The following CDH12 variants were observed in gnomAD, a reference collection of about 807,000 sequenced individuals.
CDH12 encodes cadherin-12.
In CDH12, 41 loss-of-function variants were observed where a neutral mutation model predicts 74.1. The observed-to-expected ratio is 0.55, with a 90% confidence interval of 0.43 to 0.72. The LOEUF is 0.72. Ranked by LOEUF, CDH12 falls within the 30% of genes least tolerant of loss-of-function variation. CDH12 has a pLI of 0.00. For missense variants in CDH12, 945 were observed against 977.2 expected (o/e 0.97, Z 0.44); for synonymous variants, 399 against 355.0 (o/e 1.12, Z -1.39).
At chr5:22,521,143 G>A (rs1737038638) in intron 1 of CDH12, among the ~76,000 whole-genome samples, 1 of 151,928 alleles carries the variant, frequency 6.6e-6, no homozygotes, top group African/African-American at 2.4e-5. Flanking sequence ...TCTATTGAAA[G>A]TGTTGTGTAT....
chr5:22,605,830 G>A (rs147593813), intron 1 of CDH12, among the ~76,000 whole-genome samples: 103 of 152,300 alleles, frequency 6.8e-4, no homozygotes, highest in African/African-American at 2.3e-3. Context: ...TTGGGCATTC[G>A]GAAGCAAAGG....
chr5:22,631,351 C>T (rs1738575751), intron 1 of CDH12, among the ~76,000 whole-genome samples: 1 of 152,110 alleles, frequency 6.6e-6, no homozygotes, highest in African/African-American at 2.4e-5. Flanking sequence ...CGTACTGCAG[C>T]ACTATTCACA....
intron 5 of CDH12, among the ~76,000 whole-genome samples, chr5:22,035,998 AAAC>A (rs1739153610): frequency 6.6e-6 from 1 of 152,152 alleles, no homozygotes; most frequent in Admixed American, 6.6e-5. Context: ...GTTAAACTAG[AAAC>A]AACTCCCTAC....
chr5:22,524,043 GC>G (rs1271359632), intron 1 of CDH12, among the ~76,000 whole-genome samples: 1 of 150,626 alleles, frequency 6.6e-6, no homozygotes, highest in African/African-American at 2.4e-5. Context: ...GTGCAGTGGA[GC>G]CATTACGGCT....
At chr5:22,215,950 C>T (rs1210522141) in intron 3 of CDH12, among the ~76,000 whole-genome samples, 4 of 152,052 alleles carry the variant, frequency 2.6e-5, no homozygotes, top group Non-Finnish European at 5.9e-5. Flanking sequence ...AGAACTTATT[C>T]TCTCATTTGA....
intron 3 of CDH12, among the ~76,000 whole-genome samples, chr5:22,238,660 A>T (rs1424490833): frequency 1.3e-5 from 2 of 152,202 alleles, no homozygotes; most frequent in African/African-American, 4.8e-5. Context: ...ATGTGTTGAG[A>T]ATACTTTTGC....
intron 1 of CDH12, among the ~76,000 whole-genome samples, chr5:22,721,293 C>G (rs974977880): frequency 6.6e-6 from 1 of 152,198 alleles, no homozygotes; most frequent in African/African-American, 2.4e-5. Context: ...ATCAGCATGC[C>G]CTGGGATGTG....
intron 1 of CDH12, among the ~76,000 whole-genome samples, chr5:22,712,245 A>G (rs954001096): frequency 2.0e-5 from 3 of 152,070 alleles, no homozygotes; most frequent in African/African-American, 7.2e-5. Flanking sequence ...GGAAAATACA[A>G]TTACTTTTTT....
intron 5 of CDH12, among the ~76,000 whole-genome samples, chr5:22,058,332 C>T (rs577911056): frequency 6.6e-6 from 1 of 152,176 alleles, no homozygotes; most frequent in African/African-American, 2.4e-5. Flanking sequence ...GCTGGGATTA[C>T]AGGCATGAGC....
chr5:21,816,295 T>G (rs1388385059), intron 9 of CDH12, among the ~76,000 whole-genome samples: 1 of 152,070 alleles, frequency 6.6e-6, no homozygotes, highest in Non-Finnish European at 1.5e-5. Context: ...ATTTTCTTAA[T>G]AACATTTTCT....
At chr5:22,846,485 G>GAACTCAGA (rs1737308746) in intron 1 of CDH12, among the ~76,000 whole-genome samples, 1 of 151,990 alleles carries the variant, frequency 6.6e-6, no homozygotes, top group Non-Finnish European at 1.5e-5. Flanking sequence ...AAGACACAGA[G>GAACTCAGA]AACTCAGAAA....
At chr5:22,332,111 G>A (rs1739376557) in intron 3 of CDH12, among the ~76,000 whole-genome samples, 1 of 152,126 alleles carries the variant, frequency 6.6e-6, no homozygotes, top group African/African-American at 2.4e-5. Flanking sequence ...GATAATAACG[G>A]AGAACTTTCC....
chr5:22,701,532 C>A (rs1742714458), intron 1 of CDH12, among the ~76,000 whole-genome samples: 1 of 152,132 alleles, frequency 6.6e-6, no homozygotes, highest in African/African-American at 2.4e-5. Flanking sequence ...TTTTGCCCAT[C>A]TTTCTTATTG....
chr5:22,035,988 G>A (rs1373300608), intron 5 of CDH12, among the ~76,000 whole-genome samples: 1 of 151,972 alleles, frequency 6.6e-6, no homozygotes, highest in African/African-American at 2.4e-5. Flanking sequence ...ATCAGTTAAG[G>A]TTAAACTAGA....
intron 1 of CDH12, among the ~76,000 whole-genome samples, chr5:22,560,591 A>T (rs913343866): frequency 6.6e-6 from 1 of 152,250 alleles, no homozygotes. Flanking sequence ...AGATATTTAA[A>T]TTTTTAAATA....
chr5:22,199,543 T>C (rs1295054082), intron 4 of CDH12, among the ~76,000 whole-genome samples: 1 of 152,216 alleles, frequency 6.6e-6, no homozygotes, highest in African/African-American at 2.4e-5. Context: ...ACCTCTGGGC[T>C]GAGTTCCTCT....
intron 4 of CDH12, among the ~76,000 whole-genome samples, chr5:22,171,676 C>T (rs1016505270): frequency 6.6e-5 from 10 of 151,966 alleles, no homozygotes; most frequent in Non-Finnish European, 1.2e-4. Flanking sequence ...TGAGGCCACA[C>T]AGCTAGTAAG....
chr5:22,707,871 G>T (rs1453739139), intron 1 of CDH12, among the ~76,000 whole-genome samples: 1 of 151,984 alleles, frequency 6.6e-6, no homozygotes, highest in East Asian at 1.9e-4. Context: ...TATGTGTATG[G>T]CAGGCACTAA....
chr5:21,845,348 T>A (rs2149990510), intron 7 of CDH12, among the ~76,000 whole-genome samples: 1 of 152,248 alleles, frequency 6.6e-6, no homozygotes, highest in African/African-American at 2.4e-5. Flanking sequence ...AATGCCTTCA[T>A]TCCAGTCATC....
Sources: gnomAD v4.1 joint callset for allele counts (sites outside exome capture counted in the v4.1 genomes callset) on GRCh38, gnomAD v4.1.1 for gene constraint, MANE v1.5 for transcripts, NCBI Gene and HGNC (gene_info 2026-07-23, HGNC 2026-07-21) for gene names.